Variants in MAGED1 observed in about 807,000 individuals in gnomAD.
MAGED1 encodes the protein melanoma-associated antigen D1.
A neutral mutation model predicts 54.1 loss-of-function variants in MAGED1; 3 were observed. The observed-to-expected ratio is 0.06, with a 90% CI of 0.03 to 0.14. MAGED1 has a LOEUF of 0.14. MAGED1 is among the 10% of genes least tolerant of loss of function. The pLI is 1.00. For missense variants in MAGED1, 485 were observed against 623.4 expected (o/e 0.78, Z 2.36); for synonymous variants, 217 against 227.3 (o/e 0.95, Z 0.41).
intron 1 of MAGED1, among the ~76,000 whole-genome samples, chrX:51,824,797 T>G (rs1557356840): frequency 9.8e-6 from 1 of 101,542 alleles, no homozygotes; most frequent in Non-Finnish European, 2.0e-5. Flanking sequence ...TATATACGTA[T>G]ATATACGTAC....
At chrX:51,818,581 A>G (rs1475004590) in intron 1 of MAGED1, among the ~76,000 whole-genome samples, 1 of 112,354 alleles carries the variant, frequency 8.9e-6, no homozygotes, top group Non-Finnish European at 1.9e-5. Context: ...AGCATTGTAT[A>G]CAATGGAGTT....
At chrX:51,874,078 G>A (rs1350882349) in intron 1 of MAGED1, among the ~76,000 whole-genome samples, 4 of 111,360 alleles carry the variant, frequency 3.6e-5, no homozygotes, top group African/African-American at 1.3e-4. Flanking sequence ...GAAGATTTGC[G>A]AGAGGGAGTA....
chrX:51,881,685 G>C (rs1928062680), intron 1 of MAGED1, among the ~76,000 whole-genome samples: 1 of 110,846 alleles, frequency 9.0e-6, no homozygotes, highest in African/African-American at 3.3e-5. Context: ...CCAAAGTGCT[G>C]GGATTACAGG....
intron 1 of MAGED1, among the ~76,000 whole-genome samples, chrX:51,838,131 G>A (rs1183401257): frequency 8.9e-6 from 1 of 112,276 alleles, no homozygotes; most frequent in Non-Finnish European, 1.9e-5. Context: ...GCAGGCCAGG[G>A]ATTGGCTGTT....
At position 51,895,350 on chromosome X, in the gene MAGED1, C is replaced by G. The variant is rs781940383; in HGVS notation, c.343C>G (p.Gln115Glu). Residue 115 changes from glutamine (Q) to glutamate (E), a missense_variant, in exon 3 of 13, where the codon CAA (glutamine) becomes GAA (glutamate). Physicochemically the swap from Gln to Glu is conservative, Grantham distance 29. Coordinates refer to ENST00000326587, the MANE Select transcript of MAGED1 (RefSeq NM_006986.4). ...NTQPKAAFKS[Q>E]NATPKGPNAA... is the part of the protein sequence containing the mutation. Reference sequence around the variant, plus strand: ...GCAGCCCAAGGCAGCCTTTAAGTCCCAAAATGCTACCCCAAAGGGTCCAAA... The same window carrying G: ...GCAGCCCAAGGCAGCCTTTAAGTCCGAAAATGCTACCCCAAAGGGTCCAAA... 8.3e-7 allele frequency: 1 copy of G among 1,209,713 alleles called. No homozygotes were observed. Among genetic ancestry groups the G allele is most frequent in the Admixed American group, 2.2e-5 (1 of 45,849 alleles).
At chrX:51,898,700 C>G (rs919269691) in intron 10 of MAGED1, 57 bp downstream of exon 10, 11 of 1,082,650 alleles carry the variant, frequency 1.0e-5, no homozygotes, top group Admixed American at 2.6e-5. Flanking sequence ...GTGTGCTGGT[C>G]AGCTTTAGAA....
At chrX:51,842,266 G>T (rs782453031) in intron 1 of MAGED1, among the ~76,000 whole-genome samples, 1 of 112,097 alleles carries the variant, frequency 8.9e-6, no homozygotes, top group Admixed American at 9.4e-5. Context: ...ATTAATAGAA[G>T]AGTTTCCGGT....
chrX:51,898,430 G>C, intron 9 of MAGED1, 103 bp downstream of exon 9: 9 of 1,060,072 alleles, frequency 8.5e-6, no homozygotes, highest in Non-Finnish European at 1.2e-5. Context: ...GGTTTGGTTT[G>C]GGGATGTTCA....
At chrX:51,860,498 G>A in intron 1 of MAGED1, among the ~76,000 whole-genome samples, 1 of 111,461 alleles carries the variant, frequency 9.0e-6, no homozygotes, top group Non-Finnish European at 1.9e-5. Context: ...TTTCTGCCTT[G>A]GATGGTTAAC....
At chrX:51,841,906 A>G (rs931121343) in intron 1 of MAGED1, among the ~76,000 whole-genome samples, 3 of 111,722 alleles carry the variant, frequency 2.7e-5, no homozygotes, top group Admixed American at 9.5e-5. Flanking sequence ...TTAGGATTGA[A>G]TTGGCAATGC....
At chrX:51,880,455 A>G (rs141097632) in intron 1 of MAGED1, among the ~76,000 whole-genome samples, 2,239 of 111,872 alleles carry the variant, frequency 0.02, 25 homozygotes, top group South Asian at 0.03. Flanking sequence ...TTAAGTTTCC[A>G]CCACTCAGTA....
At chrX:51,887,968 C>T (rs1024858307) in intron 1 of MAGED1, among the ~76,000 whole-genome samples, 5 of 110,940 alleles carry the variant, frequency 4.5e-5, no homozygotes, top group African/African-American at 1.6e-4. Flanking sequence ...AATACATGAA[C>T]TCTCAATATT....
chrX:51,896,664 G>A lies in MAGED1; in HGVS notation c.1009G>A (p.Ala337Thr), dbSNP rs1557364302. The A allele has an allele frequency of 1.7e-5, 21 of 1,210,709 alleles. No individual in the cohort carries two copies. Among genetic ancestry groups the A allele is most frequent in the South Asian group, 7.0e-5 (4 of 56,860 alleles). The change falls in exon 4 of 13, where the codon GCT becomes ACT. Residue 337 changes from alanine to threonine, a missense_variant. Ala to Thr is a moderately conservative substitution (Grantham distance 58, BLOSUM62 0). This residue lies in a region of MAGED1 where 299 missense variants were observed against 293.1 expected (regional missense o/e 1.02). Transcript: ENST00000326587. ...QTPPAWQNPV[A>T]WQNPVIWPNP... ...CCCACCAGCCTGGCAGAACCCAGTC[G>A]CTTGGCAGAACCCAGTGATTTGGCC...
At chrX:51,813,590 A>G (rs1439114945) in intron 1 of MAGED1, among the ~76,000 whole-genome samples, 2 of 112,168 alleles carry the variant, frequency 1.8e-5, no homozygotes, top group Admixed American at 1.9e-4. Context: ...TTATGTAAGT[A>G]AGTAGTAAAC....
intron 1 of MAGED1, among the ~76,000 whole-genome samples, chrX:51,849,231 A>G (rs1396663628): frequency 1.8e-5 from 2 of 110,845 alleles, no homozygotes; most frequent in African/African-American, 3.3e-5. Flanking sequence ...CCAATTTCCT[A>G]TATATATGTG....
At chrX:51,803,882 C>A (rs1004839923) in intron 1 of MAGED1, among the ~76,000 whole-genome samples, 19 of 110,211 alleles carry the variant, frequency 1.7e-4, no homozygotes, top group South Asian at 7.7e-4. Context: ...ATACCTGTAA[C>A]CTGGTTTCAG....
intron 1 of MAGED1, among the ~76,000 whole-genome samples, chrX:51,838,437 AC>A (rs1926334396): frequency 8.9e-6 from 1 of 112,598 alleles, no homozygotes; most frequent in Non-Finnish European, 1.9e-5. Flanking sequence ...TGATTCCATC[AC>A]AAAAATTTCT....
intron 1 of MAGED1, among the ~76,000 whole-genome samples, chrX:51,821,807 G>T (rs900160257): frequency 1.2e-4 from 13 of 111,560 alleles, no homozygotes; most frequent in Middle Eastern, 4.2e-3. Context: ...AAGTTATCGG[G>T]CTTAATCAAA....
intron 1 of MAGED1, among the ~76,000 whole-genome samples, chrX:51,843,227 G>A (rs1405887442): frequency 9.0e-6 from 1 of 111,404 alleles, no homozygotes; most frequent in Admixed American, 9.5e-5. Context: ...GCTCAATAAT[G>A]TCCCCTAAAG....
Sources: gnomAD v4.1 joint callset for allele counts (sites outside exome capture counted in the v4.1 genomes callset) on GRCh38, gnomAD v4.1.1 for gene constraint, gnomAD v4.1.1 regional missense constraint, MANE v1.5 for transcripts, NCBI Gene and HGNC (gene_info 2026-07-23, HGNC 2026-07-21) for gene names.